Variants in ANO9 observed in about 807,000 individuals in gnomAD.
The protein encoded by ANO9 is anoctamin 9, also known as anoctamin-9.
In ANO9, 80 loss-of-function variants were observed where a neutral mutation model predicts 100.5. The observed-to-expected ratio is 0.80, with a 90% CI of 0.66 to 0.96. The LOEUF is 0.96. Ranked by LOEUF, ANO9 falls within the 40% of genes least tolerant of loss-of-function variation. ANO9 has a pLI of 0.00. For synonymous variants in ANO9, 473 were observed against 435.6 expected (o/e 1.09, Z -1.07); for missense variants, 1,064 against 1,072.7 (o/e 0.99, Z 0.11).
chr11:436,998 G>A (rs555422601), intron 1 of ANO9, among the ~76,000 whole-genome samples: 13 of 102,902 alleles, frequency 1.3e-4, no homozygotes, highest in Non-Finnish European at 2.0e-4. Context: ...TGAGCGGGAG[G>A]TGAGCGGGGA....
intron 20 of ANO9, chr11:419,204 TC>T: frequency 1.4e-6 from 2 of 1,429,940 alleles, no homozygotes; most frequent in Non-Finnish European, 1.8e-6. Flanking sequence ...CCAGCCACTT[TC>T]CCTGCCAGAG....
At position 428,619 on chromosome 11, in the gene ANO9, C is replaced by T. The variant is rs767800762; in HGVS notation, c.1041G>A (p.Met347Ile). 3 of 1,611,982 alleles carry T rather than the reference C, an allele frequency of 1.9e-6. No homozygotes were observed. Among genetic ancestry groups the T allele is most frequent in the Non-Finnish European group, 8.5e-7 (1 of 1,179,556 alleles). Reference sequence around the variant, plus strand: ...CGCGGTAGACCACCAGGACGTGGGCCATGCCGATCATGAGGCAGATCTGCG... The same window carrying T: ...CGCGGTAGACCACCAGGACGTGGGCTATGCCGATCATGAGGCAGATCTGCG... Reference protein sequence around the residue: ...TLLMICLMIGMAHVLVVYRVL... With the variant: ...TLLMICLMIGIAHVLVVYRVL... Residue 347 changes from methionine (M) to isoleucine (I), a missense_variant, in exon 13 of 23, where the codon ATG (methionine) becomes ATA (isoleucine). Met to Ile is a conservative substitution (Grantham distance 10, BLOSUM62 1). Transcript: ENST00000332826.
chr11:437,048 G>T (rs550361598), intron 1 of ANO9, among the ~76,000 whole-genome samples: 1 of 132,230 alleles, frequency 7.6e-6, no homozygotes, highest in Non-Finnish European at 1.6e-5. Flanking sequence ...GGGGGTGCGT[G>T]GGGGGTGAGC....
Position 434,012 on chromosome 11 carries a change from C to G in ANO9, c.81+12G>C, listed in dbSNP as rs1401143075. On this transcript the variant is annotated intron_variant, in intron 2 of 22. Coordinates refer to ENST00000332826, the MANE Select transcript of ANO9 (RefSeq NM_001012302.3). ...GCCAGGTGGGGCCCGGGAGGGGCCC[C>G]CGGACACCCACCTCACAGGTGCTGA... The G allele has an allele frequency of 1.3e-6, 2 of 1,550,322 alleles. No homozygotes were observed. The highest frequency in any genetic ancestry group is 2.4e-5 in the South Asian group (2 of 84,086).
intron 1 of ANO9, among the ~76,000 whole-genome samples, chr11:435,110 G>GATAGC (rs1193077000): frequency 2.0e-5 from 3 of 151,798 alleles, no homozygotes; most frequent in East Asian, 1.9e-4. Flanking sequence ...TGTAGTATAG[G>GATAGC]ATAGCATAGC....
intron 3 of ANO9, 113 bp downstream of exon 3, chr11:433,702 C>T (rs1014992273): frequency 1.4e-5 from 20 of 1,453,138 alleles, no homozygotes; most frequent in South Asian, 5.7e-5. Context: ...CCGCCATGAC[C>T]GGCCCCACAG....
At chr11:430,427 C>T (rs1377542252) in intron 7 of ANO9, 24 bp from the exon 8 acceptor site, 2 of 1,353,564 alleles carry the variant, frequency 1.5e-6, no homozygotes, top group Admixed American at 4.2e-5. Flanking sequence ...GGGTCAAGGC[C>T]AGCTGTCAGG....
In ANO9 at chr11:418,317, G is replaced by A. The variant is rs562943054; in HGVS notation, c.*54C>T. On this transcript the variant is annotated 3_prime_UTR_variant, in exon 23 of 23. Transcript: ENST00000332826. ...ACGCACAGCGGTGGGCTTGTGGGAG[G>A]TGCTGGTGGTGGCACTGTCTCAGCT... 5 of 1,483,598 alleles carry A rather than the reference G, an allele frequency of 3.4e-6. No homozygotes were observed. The highest frequency in any genetic ancestry group is 4.5e-6 in the Non-Finnish European group (5 of 1,107,864). The allele number at this position is 1,483,598 out of a possible 1,614,324, so 91.9% of individuals were successfully genotyped here.
At chr11:431,978 G>A (rs1315815446) in intron 5 of ANO9, 21 bp downstream of exon 5, 1 of 1,612,892 alleles carries the variant, frequency 6.2e-7, no homozygotes, top group Admixed American at 1.7e-5. Flanking sequence ...GCCCCTGTCA[G>A]TGCCCCACCC....
At chr11:441,229 G>A (rs1006062061) in intron 1 of ANO9, among the ~76,000 whole-genome samples, 6 of 152,164 alleles carry the variant, frequency 3.9e-5, no homozygotes, top group South Asian at 2.1e-4. Context: ...TCCCTGGGCC[G>A]ACCAGGTGCT....
Position 418,375 on chromosome 11 carries a change from A to G in ANO9, c.2345T>C (p.Val782Ala), listed in dbSNP as rs1847966118. The G allele has an allele frequency of 6.2e-6, 10 of 1,606,546 alleles. No individual in the cohort carries two copies. The highest frequency in any genetic ancestry group is 1.7e-4 in the Middle Eastern group (1 of 5,804). Residue 782 changes from valine to alanine, a missense_variant, in exon 23 of 23, where the codon GTG becomes GCG. Coordinates refer to ENST00000332826, the MANE Select transcript of ANO9 (RefSeq NM_001012302.3). ...GCCTCTGGACGGGCTCTGGCCCTAC[A>G]CGTCTGTGCTCCTGGCACTGAAGAT... ...ASIFSARSTDV is the reference protein window; with the variant it reads ...ASIFSARSTDA
At chr11:440,056 G>A (rs1428698088) in intron 1 of ANO9, among the ~76,000 whole-genome samples, 1 of 152,136 alleles carries the variant, frequency 6.6e-6, no homozygotes, top group Admixed American at 6.6e-5. Flanking sequence ...GCATTCCCGG[G>A]AGAAAGAACA....
Position 419,565 on chromosome 11 carries a change from AC to A in ANO9, c.1934+16del, listed in dbSNP as rs1309613283. The A allele has an allele frequency of 1.9e-6, 3 of 1,611,544 alleles. No individual in the cohort carries two copies. The African/African-American group carries it at 4.0e-5, about 22-fold the overall frequency. On this transcript the variant is annotated intron_variant, in intron 20 of 22. Coordinates refer to ENST00000332826, the MANE Select transcript of ANO9 (RefSeq NM_001012302.3). ...GCCAGTTTCTCCCAGGGGTCTCCAG[AC>A]ACCCTGAGGCCTTACTCGACAGTAG...
chr11:428,616 G>T lies in ANO9; in HGVS notation c.1044C>A (p.Ala348=), dbSNP rs1363034508. ...GGACGCGGTAGACCACCAGGACGTG[G>T]GCCATGCCGATCATGAGGCAGATCT... ...LLMICLMIGM[A]HVLVVYRVLA... The change falls in exon 13 of 23, where the codon GCC becomes GCA. Residue 348 remains alanine, a synonymous_variant. Transcript: ENST00000332826. 3.7e-6 allele frequency: 6 copies of T among 1,612,138 alleles called. No homozygotes were observed. The highest frequency in any genetic ancestry group is 5.1e-6 in the Non-Finnish European group (6 of 1,179,596).
intron 1 of ANO9, 73 bp downstream of exon 1, chr11:441,847 TG>T: frequency 1.3e-6 from 2 of 1,554,848 alleles, no homozygotes. Flanking sequence ...GGCGGGGGGC[TG>T]GGGCCGGGGG....
chr11:437,893 C>A (rs1268469534), intron 1 of ANO9, among the ~76,000 whole-genome samples: 1 of 152,202 alleles, frequency 6.6e-6, no homozygotes, highest in African/African-American at 2.4e-5. Context: ...TTAGAGACCC[C>A]CTCACATCAG....
At chr11:423,945 G>C (rs2133685309) in intron 15 of ANO9, among the ~76,000 whole-genome samples, 1 of 145,948 alleles carries the variant, frequency 6.9e-6, no homozygotes, top group African/African-American at 2.6e-5. Context: ...GCCTCACTCT[G>C]TCACCCAGGC....
intron 1 of ANO9, 22 bp downstream of exon 1, chr11:441,899 C>G: frequency 2.8e-5 from 45 of 1,606,124 alleles, no homozygotes; most frequent in Non-Finnish European, 3.8e-5. Flanking sequence ...AAGGTGTGGA[C>G]CCTTTTGAGC....
Position 433,368 on chromosome 11 carries a change from C to T in ANO9, c.296G>A (p.Gly99Glu). The T allele has an allele frequency of 1.2e-6, 2 of 1,613,044 alleles. No individual in the cohort carries two copies. The highest frequency in any genetic ancestry group is 1.7e-6 in the Non-Finnish European group (2 of 1,179,848). The change falls in exon 4 of 23, where the codon GGG becomes GAG. Residue 99 changes from glycine (G) to glutamate (E), a missense_variant. Coordinates refer to ENST00000332826, the MANE Select transcript of ANO9 (RefSeq NM_001012302.3). ...LYRTLLLEPE[G>E]PAPHAELAAP... ...GGCCAGCTCGGCGTGGGGGGCAGGC[C>T]CCTCAGGCTCCAGGAGGAGAGTGCG...
Sources: allele counts gnomAD v4.1 joint callset (sites outside exome capture counted in the v4.1 genomes callset), GRCh38; gene constraint gnomAD v4.1.1; transcripts MANE v1.5; gene names NCBI Gene and HGNC (gene_info 2026-07-23, HGNC 2026-07-21).